The following MICU2 variants were observed in gnomAD, a reference collection of about 807,000 sequenced individuals.
MICU2 encodes the protein calcium uptake protein 2, mitochondrial.
Under a neutral mutation model 60.4 loss-of-function variants are expected in MICU2, and 64 were observed. The observed-to-expected ratio is 1.06, with a 90% CI of 0.87 to 1.31. MICU2 has a LOEUF of 1.31. Among genes scored for constraint, MICU2 ranks in the 50% most tolerant of loss-of-function variants. The pLI is 0.00. For missense variants in MICU2, 569 were observed against 531.0 expected (o/e 1.07, Z -0.70); for synonymous variants, 201 against 175.0 (o/e 1.15, Z -1.17).
intron 2 of MICU2, among the ~76,000 whole-genome samples, chr13:21,563,903 G>A (rs1887912077): frequency 6.6e-6 from 1 of 151,006 alleles, no homozygotes; most frequent in African/African-American, 2.4e-5. Flanking sequence ...TCAAACTCCT[G>A]GGCTCAAGTG....
At chr13:21,573,290 T>C (rs1051851408) in intron 1 of MICU2, among the ~76,000 whole-genome samples, 1 of 144,382 alleles carries the variant, frequency 6.9e-6, no homozygotes, top group African/African-American at 2.5e-5. Context: ...GTTTTTTTTT[T>C]TGAGACGGAG....
In MICU2 at chr13:21,600,012, CAATG is replaced by C. The variant is rs1479000675; in HGVS notation, c.210+3923_210+3926del. ...GAAAACATTAAACAATTTATGAAAA[CAATG>C]AAACAAAATTTTTGTCGATGAAATT... On this transcript the variant is annotated intron_variant, in intron 1 of 11. Transcript: ENST00000382374. Among the ~76,000 whole-genome samples the C allele has an allele frequency of 5.3e-5, 8 of 152,060 alleles. No homozygotes were observed. In the East Asian group the frequency reaches 1.5e-3, roughly 29 times the overall value.
At chr13:21,516,170 T>A (rs1282776121) in intron 6 of MICU2, among the ~76,000 whole-genome samples, 2 of 152,202 alleles carry the variant, frequency 1.3e-5, no homozygotes, top group African/African-American at 4.8e-5. Context: ...TGTACAAATA[T>A]CAGCCAATTT....
chr13:21,537,316 T>G (rs1887154141), intron 4 of MICU2, among the ~76,000 whole-genome samples: 1 of 152,196 alleles, frequency 6.6e-6, no homozygotes, highest in Admixed American at 6.5e-5. Flanking sequence ...GATCAATGAC[T>G]CATTCTTTCA....
intron 8 of MICU2, among the ~76,000 whole-genome samples, chr13:21,504,703 T>A (rs552474898): frequency 6.6e-6 from 1 of 152,286 alleles, no homozygotes; most frequent in South Asian, 2.1e-4. Context: ...ATGGGAGAGA[T>A]CTGTTTTTCC....
Position 21,495,279 on chromosome 13 carries a change from T to C in MICU2, c.1082A>G (p.Glu361Gly). The C allele has an allele frequency of 6.2e-7, 1 of 1,610,758 alleles. No individual in the cohort carries two copies. The highest frequency in any genetic ancestry group is 1.3e-5 in the African/African-American group (1 of 75,000). The change falls in exon 11 of 12, where the codon GAA becomes GGA. Residue 361 changes from glutamate (E) to glycine (G), a missense_variant. Coordinates refer to ENST00000382374, the MANE Select transcript of MICU2 (RefSeq NM_152726.3). ...AGTGTCCAAAATATTGTTTGAGAGT[T>C]CTTGTCCTGTTGCTACTTTCACAGC... ...KRAVKVATGQ[E>G]LSNNILDTVF... is the part of the protein sequence containing the mutation.
chr13:21,566,170 T>G (rs1335197754), intron 2 of MICU2, among the ~76,000 whole-genome samples: 1 of 152,214 alleles, frequency 6.6e-6, no homozygotes, highest in East Asian at 1.9e-4. Context: ...CTGCTCACCT[T>G]GCTCTCACCC....
chr13:21,563,265 CT>C (rs1382527434), intron 2 of MICU2, among the ~76,000 whole-genome samples: 1 of 151,990 alleles, frequency 6.6e-6, no homozygotes, highest in African/African-American at 2.4e-5. Context: ...ACCATCCTGG[CT>C]AACACGGTGA....
rs748937225 is a variant in MICU2 at position 21,499,957 on chromosome 13, C to CACTATACAA, written c.933+2968_933+2969insTTGTATAGT. 2.5e-4 allele frequency among the ~76,000 whole-genome samples: 38 copies of CACTATACAA among 152,252 alleles called. 1 individual carries two copies. The highest frequency in any genetic ancestry group is 8.3e-4 in the South Asian group (4 of 4,822). On this transcript the variant is annotated intron_variant, in intron 9 of 11. Coordinates refer to ENST00000382374, the MANE Select transcript of MICU2 (RefSeq NM_152726.3). Reference sequence around the variant, plus strand: ...GGAGAATTGTTTGTATAGCGGACAGCACTGTTCCTCAGGAGCACAGGACAG... The same window carrying CACTATACAA: ...GGAGAATTGTTTGTATAGCGGACAGCACTATACAAACTGTTCCTCAGGAGCACAGGACAG...
chr13:21,514,752 G>A (rs910790180), intron 6 of MICU2, among the ~76,000 whole-genome samples: 3 of 151,084 alleles, frequency 2.0e-5, no homozygotes, highest in Non-Finnish European at 4.4e-5. Context: ...GTGTTAGCCA[G>A]GATGGTCTCG....
At chr13:21,544,070 T>G (rs960310172) in intron 2 of MICU2, among the ~76,000 whole-genome samples, 2 of 152,088 alleles carry the variant, frequency 1.3e-5, no homozygotes, top group Non-Finnish European at 2.9e-5. Context: ...GAGAGAACAC[T>G]CTCTTCAATA....
At chr13:21,519,143 G>A (rs1012224745) in intron 6 of MICU2, among the ~76,000 whole-genome samples, 1 of 151,978 alleles carries the variant, frequency 6.6e-6, no homozygotes, top group African/African-American at 2.4e-5. Flanking sequence ...TACAACCTCC[G>A]CTTCCTGGGT....
intron 2 of MICU2, among the ~76,000 whole-genome samples, chr13:21,548,345 G>A (rs1200503473): frequency 6.6e-6 from 1 of 152,130 alleles, no homozygotes; most frequent in African/African-American, 2.4e-5. Context: ...ATGAACATAG[G>A]TTTTATTACA....
chr13:21,552,822 G>T (rs543929089), intron 2 of MICU2, among the ~76,000 whole-genome samples: 3 of 152,138 alleles, frequency 2.0e-5, no homozygotes, highest in African/African-American at 7.2e-5. Flanking sequence ...ATGCTGTTTT[G>T]GTTACTGTAG....
At chr13:21,515,256 G>A (rs950087102) in intron 6 of MICU2, among the ~76,000 whole-genome samples, 12 of 151,704 alleles carry the variant, frequency 7.9e-5, no homozygotes, top group Admixed American at 7.2e-4. Context: ...TAATTTTTTT[G>A]TATTTTTAGT....
rs550071621 is a variant in MICU2, at chr13:21,588,364, G to C, written c.210+15575C>G. 2.6e-5 allele frequency among the ~76,000 whole-genome samples: 4 copies of C among 152,300 alleles called. No homozygotes were observed. The South Asian group carries it at 8.3e-4, about 32-fold the overall frequency. ...CCCTTTCCACTAAGGTGGTCCTCCA[G>C]TTGACCAGGCGTGGGCTGCATGGTA... On this transcript the variant is annotated intron_variant, in intron 1 of 11. Coordinates refer to ENST00000382374, the MANE Select transcript of MICU2 (RefSeq NM_152726.3).
chr13:21,596,671 G>A (rs1192542309), intron 1 of MICU2, among the ~76,000 whole-genome samples: 2 of 152,064 alleles, frequency 1.3e-5, no homozygotes, highest in South Asian at 2.1e-4. Flanking sequence ...CGATACACCC[G>A]CCTCGGCCTC....
At chr13:21,563,184 G>C (rs1267602271) in intron 2 of MICU2, among the ~76,000 whole-genome samples, 5 of 152,050 alleles carry the variant, frequency 3.3e-5, no homozygotes, top group Non-Finnish European at 1.5e-5. Flanking sequence ...GGCCGGGCGT[G>C]GTGGCTCATG....
At chr13:21,526,423 A>G (rs998328019) in intron 4 of MICU2, among the ~76,000 whole-genome samples, 18 of 151,892 alleles carry the variant, frequency 1.2e-4, no homozygotes, top group Non-Finnish European at 2.5e-4. Flanking sequence ...ATGTTCCTCT[A>G]CCTTCTGTAT....
Sources: allele counts gnomAD v4.1 joint callset (sites outside exome capture counted in the v4.1 genomes callset), GRCh38; gene constraint gnomAD v4.1.1; transcripts MANE v1.5; gene names NCBI Gene and HGNC (gene_info 2026-07-23, HGNC 2026-07-21).